The following CDH9 variants were observed in gnomAD, a reference collection of about 807,000 sequenced individuals.
CDH9 encodes the protein cadherin-9.
A neutral mutation model predicts 70.9 loss-of-function variants in CDH9; 28 were observed. That is an observed-to-expected ratio of 0.40 (90% CI 0.29 to 0.54). The LOEUF is 0.54. Among genes scored for constraint, CDH9 ranks in the 20% least tolerant of loss-of-function variants. CDH9 has a pLI of 0.59. For missense variants in CDH9, 874 were observed against 984.4 expected (o/e 0.89, Z 1.50); for synonymous variants, 409 against 343.1 (o/e 1.19, Z -2.12).
At chr5:26,984,254 T>C (rs904354386) in intron 2 of CDH9, among the ~76,000 whole-genome samples, 1 of 152,152 alleles carries the variant, frequency 6.6e-6, no homozygotes, top group Admixed American at 6.6e-5. Flanking sequence ...AGATGGCTCA[T>C]TAGCTCCACG....
intron 1 of CDH9, among the ~76,000 whole-genome samples, chr5:27,024,398 G>A (rs960901049): frequency 6.6e-6 from 1 of 151,980 alleles, no homozygotes; most frequent in South Asian, 2.1e-4. Context: ...GTCACATCAA[G>A]TAAAATCCCA....
At chr5:26,947,566 A>T (rs2112042948) in intron 2 of CDH9, among the ~76,000 whole-genome samples, 1 of 152,344 alleles carries the variant, frequency 6.6e-6, no homozygotes. Flanking sequence ...TGCTAATACT[A>T]GTCAAAAACA....
chr5:26,891,407 G>A (rs184101973), intron 7 of CDH9, among the ~76,000 whole-genome samples: 3 of 152,262 alleles, frequency 2.0e-5, no homozygotes, highest in East Asian at 1.9e-4. Flanking sequence ...GACCAGGTGC[G>A]GTGGCTCACG....
At chr5:26,955,881 C>T (rs1395112634) in intron 2 of CDH9, among the ~76,000 whole-genome samples, 1 of 152,132 alleles carries the variant, frequency 6.6e-6, no homozygotes, top group Non-Finnish European at 1.5e-5. Flanking sequence ...GGAATCAAAT[C>T]CTAGGTCTGC....
chr5:26,997,657 T>A (rs778824700), intron 1 of CDH9, among the ~76,000 whole-genome samples: 1 of 152,176 alleles, frequency 6.6e-6, no homozygotes, highest in South Asian at 2.1e-4. Flanking sequence ...GCTAACAAGC[T>A]ATTAGTGATG....
intron 11 of CDH9, among the ~76,000 whole-genome samples, chr5:26,882,200 T>C (rs1295539455): frequency 3.3e-5 from 5 of 152,086 alleles, no homozygotes; most frequent in Admixed American, 6.6e-5. Context: ...ACTGGTCTAA[T>C]TTTATAGGAG....
chr5:26,931,689 C>T (rs938889380), intron 2 of CDH9, among the ~76,000 whole-genome samples: 28 of 152,138 alleles, frequency 1.8e-4, no homozygotes, highest in African/African-American at 6.0e-4. Context: ...AAAATTACTA[C>T]ACTTAGGAAG....
At chr5:27,015,571 A>C (rs1001431125) in intron 1 of CDH9, among the ~76,000 whole-genome samples, 2 of 151,710 alleles carry the variant, frequency 1.3e-5, no homozygotes, top group Non-Finnish European at 2.9e-5. Context: ...AAAGCCAATA[A>C]AAAGTATCCT....
At chr5:26,977,872 TA>T (rs1742329305) in intron 2 of CDH9, among the ~76,000 whole-genome samples, 1 of 152,100 alleles carries the variant, frequency 6.6e-6, no homozygotes, top group African/African-American at 2.4e-5. Context: ...ATGTGCTTGG[TA>T]AACACTTTGG....
chr5:27,006,336 G>T (rs1240264895), intron 1 of CDH9, among the ~76,000 whole-genome samples: 1 of 151,962 alleles, frequency 6.6e-6, no homozygotes, highest in Non-Finnish European at 1.5e-5. Context: ...TGCTACAAAA[G>T]GTAAACTCAG....
At chr5:26,895,557 C>T (rs563023523) in intron 7 of CDH9, among the ~76,000 whole-genome samples, 2 of 151,994 alleles carry the variant, frequency 1.3e-5, no homozygotes, top group African/African-American at 2.4e-5. Flanking sequence ...ACTTTAAATA[C>T]GTTAAGCATA....
chr5:26,971,408 A>C (rs1579485743), intron 2 of CDH9, among the ~76,000 whole-genome samples: 1 of 152,202 alleles, frequency 6.6e-6, no homozygotes, highest in Non-Finnish European at 1.5e-5. Context: ...TTTCATTCCA[A>C]CTTTAGCGAA....
chr5:26,889,483 T>C (rs1054361682), intron 9 of CDH9, among the ~76,000 whole-genome samples: 1 of 152,134 alleles, frequency 6.6e-6, no homozygotes, highest in African/African-American at 2.4e-5. Flanking sequence ...ATTTTCATAC[T>C]TCAGGTTTTA....
At chr5:26,913,929 T>C (rs1173314183) in intron 3 of CDH9, among the ~76,000 whole-genome samples, 1 of 151,944 alleles carries the variant, frequency 6.6e-6, no homozygotes, top group African/African-American at 2.4e-5. Context: ...AATATAATAG[T>C]CCATTAAGTA....
intron 1 of CDH9, among the ~76,000 whole-genome samples, chr5:27,011,909 A>T (rs1003401486): frequency 1.3e-5 from 2 of 151,932 alleles, no homozygotes; most frequent in African/African-American, 4.8e-5. Flanking sequence ...AAGATTTGTT[A>T]TAATAATAAT....
intron 1 of CDH9, among the ~76,000 whole-genome samples, chr5:27,022,034 G>A (rs1743146517): frequency 6.6e-6 from 1 of 151,920 alleles, no homozygotes; most frequent in South Asian, 2.1e-4. Context: ...TTTGTGAATT[G>A]GGGGTGCTTA....
At chr5:27,028,906 TTA>T (rs1310055601) in intron 1 of CDH9, among the ~76,000 whole-genome samples, 2 of 151,972 alleles carry the variant, frequency 1.3e-5, no homozygotes, top group Non-Finnish European at 2.9e-5. Flanking sequence ...CTTGACAAAA[TTA>T]TATTTTGTAG....
chr5:26,963,052 C>T lies in CDH9; in HGVS notation c.228+25054G>A, dbSNP rs548534215. Among the ~76,000 whole-genome samples the T allele has an allele frequency of 7.2e-5, 11 of 152,110 alleles. No homozygotes were observed. The South Asian group carries it at 8.3e-4, about 11-fold the overall frequency. On this transcript the variant is annotated intron_variant, in intron 2 of 11. Transcript: ENST00000231021. Reference sequence around the variant, plus strand: ...CTATAAAAGAATGTTAAAAAATAACCCATGTTAGCATTAAACAAGTTCAAA... The same window carrying T: ...CTATAAAAGAATGTTAAAAAATAACTCATGTTAGCATTAAACAAGTTCAAA...
chr5:26,979,451 AAT>A (rs869215075), intron 2 of CDH9, among the ~76,000 whole-genome samples: 5 of 114,892 alleles, frequency 4.4e-5, no homozygotes, highest in South Asian at 2.2e-4. Context: ...GATAGAAAAA[AAT>A]TAAAAAAACA....
Sources: gnomAD v4.1 joint callset for allele counts (sites outside exome capture counted in the v4.1 genomes callset) on GRCh38, gnomAD v4.1.1 for gene constraint, MANE v1.5 for transcripts, NCBI Gene and HGNC (gene_info 2026-07-23, HGNC 2026-07-21) for gene names.